The following ALPK2 variants were observed in gnomAD, a reference collection of about 807,000 sequenced individuals.
ALPK2 encodes alpha kinase 2.
A neutral mutation model predicts 163.1 loss-of-function variants in ALPK2; 127 were observed. The observed-to-expected ratio is 0.78, with a 90% CI of 0.67 to 0.90. The LOEUF is 0.90. Among genes scored for constraint, ALPK2 ranks in the 40% least tolerant of loss-of-function variants. The pLI is 0.00. For synonymous variants in ALPK2, 953 were observed against 959.1 expected, an observed-to-expected ratio of 0.99 and a Z score of 0.12; for missense variants, 2,360 against 2,589.6, an observed-to-expected ratio of 0.91 and a Z score of 1.92.
At chr18:58,592,026 G>A (rs960178874) in intron 3 of ALPK2, among the ~76,000 whole-genome samples, 4 of 152,188 alleles carry the variant, frequency 2.6e-5, no homozygotes, top group African/African-American at 9.7e-5. Flanking sequence ...AGTCATGTAG[G>A]AAGGGATGGA....
At chr18:58,529,970 GC>G (rs1357883953) in intron 5 of ALPK2, among the ~76,000 whole-genome samples, 1 of 152,332 alleles carries the variant, frequency 6.6e-6, no homozygotes, top group South Asian at 2.1e-4. Context: ...CAAGGATGAG[GC>G]CCCTGTCCCG....
At chr18:58,570,455 G>T (rs2051880085) in intron 4 of ALPK2, among the ~76,000 whole-genome samples, 1 of 152,194 alleles carries the variant, frequency 6.6e-6, no homozygotes, top group African/African-American at 2.4e-5. Context: ...TAACTAGCCT[G>T]AACTTAGATT....
At chr18:58,507,108 C>G (rs1395180858) in intron 10 of ALPK2, among the ~76,000 whole-genome samples, 1 of 152,186 alleles carries the variant, frequency 6.6e-6, no homozygotes, top group Non-Finnish European at 1.5e-5. Flanking sequence ...TTTTGATGTT[C>G]ATTAATTTTT....
intron 12 of ALPK2, among the ~76,000 whole-genome samples, chr18:58,482,335 C>T (rs2051316064): frequency 6.6e-6 from 1 of 152,068 alleles, no homozygotes; most frequent in Non-Finnish European, 1.5e-5. Context: ...TGCCCTGTTC[C>T]TCATAGCCAC....
intron 4 of ALPK2, among the ~76,000 whole-genome samples, chr18:58,575,654 A>G (rs1373634000): frequency 6.6e-6 from 1 of 152,206 alleles, no homozygotes; most frequent in Non-Finnish European, 1.5e-5. Context: ...GGATGAGGAA[A>G]GTGAGCTCAA....
rs1250891975 is a variant in ALPK2 at position 58,551,127 on chromosome 18, AT to A, written c.1963-12904del. Among the ~76,000 whole-genome samples the A allele has an allele frequency of 2.1e-3, 308 of 147,902 alleles. 1 individual carries two copies. Among genetic ancestry groups the A allele is most frequent in the African/African-American group, 7.4e-3 (300 of 40,394 alleles). ...CAAAAATGGAAAAAAAAAAACCCAC[AT>A]TTTTTTTCTTAATAATTCACTGTAT... On this transcript the variant is annotated intron_variant, in intron 4 of 12. Transcript: ENST00000361673.
At chr18:58,550,644 C>G (rs1187529957) in intron 4 of ALPK2, among the ~76,000 whole-genome samples, 1 of 151,868 alleles carries the variant, frequency 6.6e-6, no homozygotes, top group Non-Finnish European at 1.5e-5. Flanking sequence ...TCACGTACAA[C>G]CCCATCCCCG....
intron 4 of ALPK2, among the ~76,000 whole-genome samples, chr18:58,572,634 T>G (rs895726256): frequency 6.6e-6 from 1 of 152,198 alleles, no homozygotes; most frequent in African/African-American, 2.4e-5. Context: ...TACTGTATGA[T>G]TCCATTTATG....
At chr18:58,612,979 G>A (rs2052141249) in intron 1 of ALPK2, among the ~76,000 whole-genome samples, 1 of 152,198 alleles carries the variant, frequency 6.6e-6, no homozygotes, top group African/African-American at 2.4e-5. Flanking sequence ...CAGGGATGCT[G>A]AGGTCCCCAA....
intron 12 of ALPK2, among the ~76,000 whole-genome samples, 185 bp from the exon 13 acceptor site, chr18:58,482,224 A>C (rs1477261172): frequency 6.6e-6 from 1 of 152,222 alleles, no homozygotes; most frequent in African/African-American, 2.4e-5. Flanking sequence ...CTGTGGAAAT[A>C]AGTAAAGGCA....
chr18:58,495,927 C>CG (rs1568065925), intron 12 of ALPK2, among the ~76,000 whole-genome samples: 3 of 152,136 alleles, frequency 2.0e-5, no homozygotes, highest in African/African-American at 7.2e-5. Flanking sequence ...CTAGGGCTGG[C>CG]GGATGCTTGC....
chr18:58,515,100 T>C lies in ALPK2; in HGVS notation c.5941-19A>G. On this transcript the variant is annotated intron_variant, in intron 9 of 12. Coordinates refer to ENST00000361673, the MANE Select transcript of ALPK2 (RefSeq NM_052947.4). ...AGCATTCCTATATCGCCAAAATACA[T>C]AGAAAGCCCCAGTGACTACAGGAAA... The C allele has an allele frequency of 6.3e-7, 1 of 1,588,034 alleles. No homozygotes were observed. The highest frequency in any genetic ancestry group is 8.6e-7 in the Non-Finnish European group (1 of 1,159,088).
chr18:58,492,203 TACAC>T lies in ALPK2; in HGVS notation c.6296+5842_6296+5845del, dbSNP rs760755673. On this transcript the variant is annotated intron_variant, in intron 12 of 12. Coordinates refer to ENST00000361673, the MANE Select transcript of ALPK2 (RefSeq NM_052947.4). ...ACACAAAAAGACACAGACACAGATA[TACAC>T]ACAGACACACATGCACACACATACA... Among the ~76,000 whole-genome samples, 14 of 151,672 alleles carry T rather than the reference TACAC, an allele frequency of 9.2e-5. No homozygotes were observed. The Middle Eastern group carries it at 0.014, about 147-fold the overall frequency.
In ALPK2 at chr18:58,560,173, G is replaced by A. The variant is rs544770228; in HGVS notation, c.1962+18641C>T. 2.6e-4 allele frequency among the ~76,000 whole-genome samples: 39 copies of A among 152,300 alleles called. No homozygotes were observed. In the South Asian group the frequency reaches 3.1e-3, roughly 12 times the overall value. On this transcript the variant is annotated intron_variant, in intron 4 of 12. Transcript: ENST00000361673. ...TATGGGGGCAGTTCTTTCCCGCACC[G>A]TTCTCATGATAGTGAATGAGTCTCA...
At chr18:58,486,498 A>C (rs1160499189) in intron 12 of ALPK2, among the ~76,000 whole-genome samples, 2 of 152,144 alleles carry the variant, frequency 1.3e-5, no homozygotes, top group African/African-American at 4.8e-5. Flanking sequence ...ACGCCTGTCC[A>C]GGGGAGGCTT....
At chr18:58,625,241 C>A (rs1217334413) in intron 1 of ALPK2, among the ~76,000 whole-genome samples, 1 of 151,688 alleles carries the variant, frequency 6.6e-6, no homozygotes, top group Non-Finnish European at 1.5e-5. Flanking sequence ...GCATATTGTC[C>A]CCACACTCAG....
At chr18:58,548,848 C>G (rs1484742760) in intron 4 of ALPK2, among the ~76,000 whole-genome samples, 1 of 152,092 alleles carries the variant, frequency 6.6e-6, no homozygotes, top group Non-Finnish European at 1.5e-5. Context: ...AATGAGTGAA[C>G]ATCTATCCAG....
chr18:58,504,149 C>G lies in ALPK2; in HGVS notation c.6030-1G>C. The G allele has an allele frequency of 6.2e-7, 1 of 1,613,274 alleles. No individual in the cohort carries two copies. Among genetic ancestry groups the G allele is most frequent in the Middle Eastern group, 1.6e-4 (1 of 6,062 alleles). On this transcript the variant is annotated splice_acceptor_variant, in intron 10 of 12. Coordinates refer to ENST00000361673, the MANE Select transcript of ALPK2 (RefSeq NM_052947.4). LOFTEE classifies it high-confidence loss of function. The stretch of plus-strand genomic sequence containing the variant: ...ATGGATAAGAAAAATAGGAATGATC[C>G]TGGCAGGGAAGAGAACACAGGCGCA...
Position 58,524,049 on chromosome 18 carries a change from A to T in ALPK2, c.5515T>A (p.Ser1839Thr), listed in dbSNP as rs577521422. Residue 1839 changes from serine (S) to threonine (T), a missense_variant, in exon 7 of 13, where the codon TCC (serine) becomes ACC (threonine). Ser to Thr is a moderately conservative substitution (Grantham distance 58). Transcript: ENST00000361673. ...AQVQRSAGDN[S>T]TVSFAIVQAS... is the part of the protein sequence containing the mutation. ...TGCACGATGGCAAAGGAAACAGTGG[A>T]GTTGTCCCCTGCACTGCAATGAGGA... 1 of 1,613,638 alleles carries T rather than the reference A, an allele frequency of 6.2e-7. No homozygotes were observed. The highest frequency in any genetic ancestry group is 1.1e-5 in the South Asian group (1 of 91,072).
Sources: allele counts gnomAD v4.1 joint callset (sites outside exome capture counted in the v4.1 genomes callset), GRCh38; gene constraint gnomAD v4.1.1; transcripts MANE v1.5; gene names NCBI Gene and HGNC (gene_info 2026-07-23, HGNC 2026-07-21).